The following ZNF716 variants were observed in gnomAD, a reference collection of about 807,000 sequenced individuals.
The protein encoded by ZNF716 is zinc finger protein 716.
ZNF716 carries 9 observed loss-of-function variants against 13.4 expected under a neutral mutation model. The ratio of observed to expected loss-of-function variants is 0.67; its 90% CI spans 0.41 to 1.18. ZNF716 has a LOEUF of 1.18. Ranked by LOEUF, ZNF716 falls within the 50% of genes most tolerant of loss-of-function variation. The probability of loss-of-function intolerance (pLI) is 0.01; values close to 1 mark genes in which losing one functional copy is unlikely to be tolerated. For missense variants in ZNF716, 581 were observed against 576.6 expected, an observed-to-expected ratio of 1.01 and a Z score of -0.08; for synonymous variants, 186 against 195.2, an observed-to-expected ratio of 0.95 and a Z score of 0.39.
chr7:57,468,805 A>G lies in ZNF716; in HGVS notation c.344A>G (p.Tyr115Cys). The G allele has an allele frequency of 6.2e-7, 1 of 1,613,772 alleles. No homozygotes were observed. Among genetic ancestry groups the G allele is most frequent in the Non-Finnish European group, 8.5e-7 (1 of 1,179,828 alleles). Reference protein sequence around the residue: ...DSLQKVILRRYGKCGQEDLQV... With the variant: ...DSLQKVILRRCGKCGQEDLQV... Reference sequence around the variant, plus strand: ...CTCCAAAAAGTGATACTGAGAAGATATGGAAAATGTGGACAGGAGGATTTA... The same window carrying G: ...CTCCAAAAAGTGATACTGAGAAGATGTGGAAAATGTGGACAGGAGGATTTA... Residue 115 changes from tyrosine to cysteine, a missense_variant, in exon 4 of 4, where the codon TAT becomes TGT. By Grantham distance (194) the Tyr-to-Cys change is radical. Coordinates refer to ENST00000420713, the MANE Select transcript of ZNF716 (RefSeq NM_001159279.1).
chr7:57,468,848 T>A lies in ZNF716; in HGVS notation c.387T>A (p.Cys129Ter). ...AGGATTTACAAGTAAAAAAATGCTG[T>A]AAAAGTGTAGGTGAGTGTGAGGTGC... is the stretch of plus-strand genomic sequence containing the variant. ...GQEDLQVKKC[C>*]KSVGECEVHK... is the part of the protein sequence containing the mutation. The change falls in exon 4 of 4, where the codon TGT (cysteine) becomes TGA (stop). Residue 129 changes from cysteine to a stop codon, truncating the protein, a stop_gained. Transcript: ENST00000420713. LOFTEE classifies it low-confidence loss of function (END_TRUNC). 6.2e-7 allele frequency: 1 copy of A among 1,613,688 alleles called. No individual in the cohort carries two copies. The highest frequency in any genetic ancestry group is 8.5e-7 in the Non-Finnish European group (1 of 1,179,832).
At chr7:57,454,796 G>A (rs763792412) in intron 1 of ZNF716, among the ~76,000 whole-genome samples, 6 of 152,112 alleles carry the variant, frequency 3.9e-5, no homozygotes, top group African/African-American at 9.7e-5. Context: ...AGGCCGAGGC[G>A]GGCGGATCAT....
chr7:57,471,069 A>G lies in ZNF716; in HGVS notation c.*1120A>G, dbSNP rs1789925991. On this transcript the variant is annotated 3_prime_UTR_variant, in exon 4 of 4. Transcript: ENST00000420713. ...ATTGTAAAAATATAAAGAATGTGAA[A>G]AGCCATTAATGTCTGTTCACATCTT... 1 of 152,174 alleles carries G rather than the reference A, an allele frequency of 6.6e-6. No homozygotes were observed. The highest frequency in any genetic ancestry group is 1.5e-5 in the Non-Finnish European group (1 of 68,036). 9.4% of individuals were successfully genotyped at this position (152,174 alleles called of 1,614,324 possible). A position where few individuals can be genotyped will look rare whatever the true frequency, so the allele number is the denominator to read the frequency against.
intron 3 of ZNF716, among the ~76,000 whole-genome samples, chr7:57,468,369 A>G (rs1428690886): frequency 3.9e-5 from 6 of 152,190 alleles, no homozygotes; most frequent in Non-Finnish European, 8.8e-5. Context: ...TATAGGTGCC[A>G]ATATTTTTCT....
At chr7:57,457,262 A>G (rs1163572301) in intron 1 of ZNF716, among the ~76,000 whole-genome samples, 1 of 152,192 alleles carries the variant, frequency 6.6e-6, no homozygotes, top group African/African-American at 2.4e-5. Context: ...AAATCAGAGT[A>G]TAGCCCCACA....
chr7:57,469,664 T>C lies in ZNF716; in HGVS notation c.1203T>C (p.Thr401=). Residue 401 remains threonine (T), a synonymous_variant, in exon 4 of 4, where the codon ACT becomes ACC. Coordinates refer to ENST00000420713, the MANE Select transcript of ZNF716 (RefSeq NM_001159279.1). ...CAACCTTCACTTACCACAAGAGAAC[T>C]CATACTGGAGAGAAACCCTACAAAT... ...LPSTFTYHKR[T]HTGEKPYKCE... 6.2e-7 allele frequency: 1 copy of C among 1,609,346 alleles called. No homozygotes were observed.
chr7:57,464,210 C>T (rs1554323684), intron 3 of ZNF716, among the ~76,000 whole-genome samples: 1 of 150,570 alleles, frequency 6.6e-6, no homozygotes, highest in African/African-American at 2.4e-5. Context: ...CAACCCCTGC[C>T]TCCCACATCC....
At chr7:57,462,350 T>C (rs1789721777) in intron 1 of ZNF716, 110 bp from the exon 2 acceptor site, 1 of 1,299,718 alleles carries the variant, frequency 7.7e-7, no homozygotes, top group African/African-American at 1.5e-5. Flanking sequence ...ACCACTTCTT[T>C]TTACTCTCTT....
At position 57,469,158 on chromosome 7, in the gene ZNF716, A is replaced by G. The variant is rs782541702; in HGVS notation, c.697A>G (p.Arg233Gly). 1 of 1,612,226 alleles carries G rather than the reference A, an allele frequency of 6.2e-7. No homozygotes were observed. The highest frequency in any genetic ancestry group is 8.5e-7 in the Non-Finnish European group (1 of 1,179,080). ...NCSSTLTRHKRIHTGEKPYRC... is the reference protein window; with the variant it reads ...NCSSTLTRHKGIHTGEKPYRC... ...CTCTTCAACCCTTACTAGACATAAAAGAATTCATACTGGAGAGAAACCCTA... is the reference window on the plus strand; with the variant it reads ...CTCTTCAACCCTTACTAGACATAAAGGAATTCATACTGGAGAGAAACCCTA... Residue 233 changes from arginine to glycine, a missense_variant, in exon 4 of 4, where the codon AGA (arginine) becomes GGA (glycine). Physicochemically the swap from Arg to Gly is moderately radical, Grantham distance 125. Coordinates refer to ENST00000420713, the MANE Select transcript of ZNF716 (RefSeq NM_001159279.1).
chr7:57,454,980 A>T (rs1554322058), intron 1 of ZNF716, among the ~76,000 whole-genome samples: 2 of 151,728 alleles, frequency 1.3e-5, no homozygotes, highest in African/African-American at 2.4e-5. Flanking sequence ...GAGCAGAGAT[A>T]GCGCCATTGC....
intron 1 of ZNF716, among the ~76,000 whole-genome samples, chr7:57,454,253 T>A (rs1789547361): frequency 6.6e-6 from 1 of 152,244 alleles, no homozygotes; most frequent in Admixed American, 6.5e-5. Context: ...AAGTAAATGA[T>A]ATGTGTATTG....
intron 3 of ZNF716, among the ~76,000 whole-genome samples, chr7:57,466,360 G>C (rs1288735433): frequency 2.6e-5 from 4 of 151,424 alleles, no homozygotes; most frequent in Non-Finnish European, 5.9e-5. Context: ...ATCTCATGTT[G>C]AAATGTAATC....
At chr7:57,460,930 GA>G (rs1195253615) in intron 1 of ZNF716, among the ~76,000 whole-genome samples, 1 of 151,768 alleles carries the variant, frequency 6.6e-6, no homozygotes, top group Non-Finnish European at 1.5e-5. Context: ...TACAGGCAGG[GA>G]AGTTATCTGT....
intron 3 of ZNF716, 80 bp from the exon 4 acceptor site, chr7:57,468,644 T>C: frequency 1.4e-6 from 2 of 1,396,674 alleles, no homozygotes; most frequent in Non-Finnish European, 1.9e-6. Flanking sequence ...GTACTTTGTA[T>C]AATTTTATAT....
rs782448439 is a variant in ZNF716 at position 57,469,322 on chromosome 7, G to T, written c.861G>T (p.Lys287Asn). Residue 287 changes from lysine to asparagine, a missense_variant, in exon 4 of 4, where the codon AAG becomes AAT. By Grantham distance (94) the Lys-to-Asn change is moderately conservative. Transcript: ENST00000420713. ...GCCGCTCAACACTTACTAACTACAA[G>T]AGAATTCATACTGGAGAGAAACCCT... Reference protein sequence around the residue: ...VFSRSTLTNYKRIHTGEKPYT... With the variant: ...VFSRSTLTNYNRIHTGEKPYT... The T allele has an allele frequency of 6.2e-7, 1 of 1,607,836 alleles. No individual in the cohort carries two copies. Among genetic ancestry groups the T allele is most frequent in the Admixed American group, 1.7e-5 (1 of 59,644 alleles).
intron 1 of ZNF716, among the ~76,000 whole-genome samples, chr7:57,457,404 G>A (rs1275293941): frequency 1.3e-5 from 2 of 152,174 alleles, no homozygotes; most frequent in Non-Finnish European, 2.9e-5. Context: ...GAGTGCAGTG[G>A]TGTGATCTTG....
chr7:57,455,214 T>C (rs1472830160), intron 1 of ZNF716, among the ~76,000 whole-genome samples: 6 of 152,274 alleles, frequency 3.9e-5, no homozygotes, highest in South Asian at 2.1e-4. Flanking sequence ...GAGAATGTTT[T>C]ACCCTGAAGT....
Position 57,462,451 on chromosome 7 carries a change from T to C in ZNF716, c.40-9T>C. ...GTGTTTTTTTTGTTTGTTTATTTTT[T>C]GTTTTTAGGGACTGTTGACATTCAG... is the stretch of plus-strand genomic sequence containing the variant. On this transcript the variant is annotated splice_polypyrimidine_tract_variant and intron_variant, in intron 1 of 3. Coordinates refer to ENST00000420713, the MANE Select transcript of ZNF716 (RefSeq NM_001159279.1). 6.2e-7 allele frequency: 1 copy of C among 1,612,972 alleles called. No individual in the cohort carries two copies.
At chr7:57,464,043 C>T (rs1423133915) in intron 3 of ZNF716, among the ~76,000 whole-genome samples, 2 of 151,314 alleles carry the variant, frequency 1.3e-5, no homozygotes, top group Admixed American at 1.3e-4. Flanking sequence ...TAATTTTGTG[C>T]AACCTTTCAA....
Sources: allele counts gnomAD v4.1 joint callset (sites outside exome capture counted in the v4.1 genomes callset), GRCh38; gene constraint gnomAD v4.1.1; transcripts MANE v1.5; gene names NCBI Gene and HGNC (gene_info 2026-07-23, HGNC 2026-07-21).